The following PKDCC variants were observed in gnomAD, a reference collection of about 807,000 sequenced individuals.
PKDCC encodes protein kinase domain containing, cytoplasmic.
In PKDCC, 35 loss-of-function variants were observed where a neutral mutation model predicts 44.7. The observed-to-expected ratio is 0.78, with a 90% CI of 0.60 to 1.04. The LOEUF (loss-of-function observed/expected upper bound fraction) is 1.04. PKDCC is among the 50% of genes least tolerant of loss of function. The probability of loss-of-function intolerance (pLI) is 0.00; values close to 1 mark genes in which losing one functional copy is unlikely to be tolerated. For missense variants in PKDCC, 738 were observed against 672.7 expected (o/e 1.10, Z -1.07); for synonymous variants, 353 against 303.3 (o/e 1.16, Z -1.70).
intron 2 of PKDCC, 43 bp from the exon 3 acceptor site, chr2:42,053,993 C>A (rs758982013): frequency 1.5e-5 from 24 of 1,585,882 alleles, no homozygotes; most frequent in Non-Finnish European, 2.0e-5. Flanking sequence ...AGACCCCCAA[C>A]CCAGGAGAAA....
rs116834971 is a variant in PKDCC, at chr2:42,054,383, G to A, written c.1034+76G>A. 5,767 of 1,491,628 alleles carry A rather than the reference G, an allele frequency of 3.9e-3. 19 individuals carry two copies. Among genetic ancestry groups the A allele is most frequent in the Non-Finnish European group, 4.6e-3 (5,125 of 1,108,220 alleles). 92.4% of individuals were successfully genotyped at this position (1,491,628 alleles called of 1,614,324 possible). A position where few individuals can be genotyped will look rare whatever the true frequency, so the allele number is the denominator to read the frequency against. ...AGGGCATGGCAGGAAGAGAGCCAAC[G>A]TGGAGGCCAGCTGGGCAGGGAGACT... On this transcript the variant is annotated intron_variant, in intron 3 of 6. Transcript: ENST00000294964. This position sits in a 1 kb window ranked among gnomAD's most constrained non-coding sequence, Gnocchi z 6.1.
intron 2 of PKDCC, 97 bp from the exon 3 acceptor site, chr2:42,053,939 A>G: frequency 6.7e-7 from 1 of 1,483,602 alleles, no homozygotes; most frequent in Non-Finnish European, 9.1e-7. Context: ...CAACCCCCAC[A>G]AGCAAAGTTC....
rs114228441 is a variant in PKDCC at position 42,057,975 on chromosome 2, C to T, written c.*287C>T. On this transcript the variant is annotated 3_prime_UTR_variant, in exon 7 of 7. Coordinates refer to ENST00000294964, the MANE Select transcript of PKDCC (RefSeq NM_138370.3). ...TGTAAGCAAGCTCAGGCTAGTCTCC[C>T]CACTGGGGGCTGTGCCCCTCCCTGG... 1.4e-3 allele frequency: 625 copies of T among 455,334 alleles called. 5 individuals carry two copies. The highest frequency in any genetic ancestry group is 0.011 in the African/African-American group (567 of 50,998). 28.2% of individuals were successfully genotyped at this position (455,334 alleles called of 1,614,324 possible).
chr2:42,055,819 A>T lies in PKDCC; in HGVS notation c.1222+426A>T, dbSNP rs1464500422. Among the ~76,000 whole-genome samples the T allele has an allele frequency of 6.6e-6, 1 of 152,214 alleles. No individual in the cohort carries two copies. Among genetic ancestry groups the T allele is most frequent in the East Asian group, 1.9e-4 (1 of 5,198 alleles). On this transcript the variant is annotated intron_variant, in intron 5 of 6. Transcript: ENST00000294964. The surrounding 1 kb of genome is among the most constrained non-coding windows in gnomAD (Gnocchi z 4.5). ...GTGCAGTTCCTATGACACAGCTGGA[A>T]CGCAGTATATGTTTGCTTCCCTTTC... is the stretch of plus-strand genomic sequence containing the variant.
Position 42,055,826 on chromosome 2 carries a change from A to C in PKDCC, c.1222+433A>C, listed in dbSNP as rs1426703632. The stretch of plus-strand genomic sequence containing the variant: ...TCCTATGACACAGCTGGAACGCAGT[A>C]TATGTTTGCTTCCCTTTCCTTCCTC... On this transcript the variant is annotated intron_variant, in intron 5 of 6. Coordinates refer to ENST00000294964, the MANE Select transcript of PKDCC (RefSeq NM_138370.3). This position sits in a 1 kb window ranked among gnomAD's most constrained non-coding sequence, Gnocchi z 4.5. 6.6e-6 allele frequency among the ~76,000 whole-genome samples: 1 copy of C among 152,226 alleles called. No homozygotes were observed. Among genetic ancestry groups the C allele is most frequent in the African/African-American group, 2.4e-5 (1 of 41,450 alleles).
rs1558431348 is a variant in PKDCC at position 42,051,262 on chromosome 2, C to T, written c.640-1977C>T. 6.6e-6 allele frequency among the ~76,000 whole-genome samples: 1 copy of T among 151,392 alleles called. No homozygotes were observed. Among genetic ancestry groups the T allele is most frequent in the Non-Finnish European group, 1.5e-5 (1 of 67,810 alleles). On this transcript the variant is annotated intron_variant, in intron 1 of 6. Coordinates refer to ENST00000294964, the MANE Select transcript of PKDCC (RefSeq NM_138370.3). The surrounding 1 kb of genome is among the most constrained non-coding windows in gnomAD (Gnocchi z 4.2). ...GCCCCTGACACACGCATACACACTC[C>T]CTCACGTGACTTGACTCCTCTATAG... is the stretch of plus-strand genomic sequence containing the variant.
At position 42,048,288 on chromosome 2, in the gene PKDCC, C is replaced by T. The variant is rs768518999; in HGVS notation, c.89C>T (p.Ser30Leu). Reference sequence around the variant, plus strand: ...CTCAACGTGCTCTTCGCTCCGGGCTCGGAGCCTCCGAGGCCAGGCCAGTCC... The same window carrying T: ...CTCAACGTGCTCTTCGCTCCGGGCTTGGAGCCTCCGAGGCCAGGCCAGTCC... The part of the protein sequence containing the change: ...SVLNVLFAPG[S>L]EPPRPGQSPE... The change falls in exon 1 of 7, where the codon TCG becomes TTG. Residue 30 changes from serine (S) to leucine (L), a missense_variant. By Grantham distance (145) the Ser-to-Leu change is moderately radical. Coordinates refer to ENST00000294964, the MANE Select transcript of PKDCC (RefSeq NM_138370.3). This position sits in a 1 kb window ranked among gnomAD's most constrained non-coding sequence, Gnocchi z 6.2. The T allele has an allele frequency of 2.9e-5, 37 of 1,269,036 alleles. No homozygotes were observed. The highest frequency in any genetic ancestry group is 3.7e-5 in the Non-Finnish European group (37 of 1,002,868). 78.6% of individuals were successfully genotyped at this position (1,269,036 alleles called of 1,614,324 possible). A position where few individuals can be genotyped will look rare whatever the true frequency, so the allele number is the denominator to read the frequency against.
chr2:42,056,159 C>T (rs926729068), intron 5 of PKDCC, among the ~76,000 whole-genome samples: 1 of 152,150 alleles, frequency 6.6e-6, no homozygotes, highest in Admixed American at 6.5e-5. Flanking sequence ...ACAGTCAGCC[C>T]TGGACTTTGG....
rs751726900 is a variant in PKDCC at position 42,054,242 on chromosome 2, G to A, written c.969G>A (p.Leu323=). The A allele has an allele frequency of 6.2e-7, 1 of 1,604,182 alleles. No individual in the cohort carries two copies. The highest frequency in any genetic ancestry group is 8.5e-7 in the Non-Finnish European group (1 of 1,174,984). ...AGTTTCCGGCCAGGAACTTCACCCT[G>A]CCCTGCTCAGCCCAGGGCTGGTGCG... The part of the protein sequence containing the change: ...ILEFPARNFT[L]PCSAQGWCEG... Residue 323 remains leucine, a synonymous_variant, in exon 3 of 7, where the codon CTG becomes CTA. Coordinates refer to ENST00000294964, the MANE Select transcript of PKDCC (RefSeq NM_138370.3). This position sits in a 1 kb window ranked among gnomAD's most constrained non-coding sequence, Gnocchi z 6.1.
Position 42,055,550 on chromosome 2 carries a change from G to A in PKDCC, c.1222+157G>A, listed in dbSNP as rs918026619. The A allele has an allele frequency of 1.6e-6, 1 of 628,610 alleles. No homozygotes were observed. The highest frequency in any genetic ancestry group is 2.8e-6 in the Non-Finnish European group (1 of 359,050). 38.9% of individuals were successfully genotyped at this position (628,610 alleles called of 1,614,324 possible). On this transcript the variant is annotated intron_variant, in intron 5 of 6. Transcript: ENST00000294964. The surrounding 1 kb of genome is among the most constrained non-coding windows in gnomAD (Gnocchi z 4.5). ...CATAGAATCATGGAGGGGCTGACAT[G>A]GACTAATTTGAGGTTCCATCTCTAG...
At position 42,049,586 on chromosome 2, in the gene PKDCC, A is replaced by G. The variant is rs536075892; in HGVS notation, c.639+748A>G. Among the ~76,000 whole-genome samples, 7 of 152,262 alleles carry G rather than the reference A, an allele frequency of 4.6e-5. No individual in the cohort carries two copies. The South Asian group carries it at 6.2e-4, about 14-fold the overall frequency. Reference sequence around the variant, plus strand: ...TGTCACACTGTCTGAGTGTATATAGATAGCCAAGAGGCTGGAAGGTTGAGA... The same window carrying G: ...TGTCACACTGTCTGAGTGTATATAGGTAGCCAAGAGGCTGGAAGGTTGAGA... On this transcript the variant is annotated intron_variant, in intron 1 of 6. Coordinates refer to ENST00000294964, the MANE Select transcript of PKDCC (RefSeq NM_138370.3).
At position 42,053,470 on chromosome 2, in the gene PKDCC, A is replaced by T. The variant is rs1278305883; in HGVS notation, c.762+109A>T. 7 of 1,427,490 alleles carry T rather than the reference A, an allele frequency of 4.9e-6. No individual in the cohort carries two copies. The African/African-American group carries it at 1.0e-4, about 21-fold the overall frequency. The allele number at this position is 1,427,490 out of a possible 1,614,324, so 88.4% of individuals were successfully genotyped here. On this transcript the variant is annotated intron_variant, in intron 2 of 6. Coordinates refer to ENST00000294964, the MANE Select transcript of PKDCC (RefSeq NM_138370.3). ...ACTCCTCCTCCACCCAGGGAGAGGG[A>T]GGGGAGGAAGGCGCACAGGCTGACT...
Position 42,048,772 on chromosome 2 carries a change from G to A in PKDCC, c.573G>A (p.Leu191=), listed in dbSNP as rs1184316107. ...EFGVRRGCYR[L]AAHKLLKEMV... ...GGGTACGGAGGGGCTGCTATCGGCTGGCGGCCCACAAGCTGCTTAAGGAGA... is the reference window on the plus strand; with the variant it reads ...GGGTACGGAGGGGCTGCTATCGGCTAGCGGCCCACAAGCTGCTTAAGGAGA... Residue 191 remains leucine (L), a synonymous_variant, in exon 1 of 7, where the codon CTG becomes CTA. Transcript: ENST00000294964. This position sits in a 1 kb window ranked among gnomAD's most constrained non-coding sequence, Gnocchi z 6.2. The A allele has an allele frequency of 6.4e-7, 1 of 1,560,258 alleles. No homozygotes were observed. Among genetic ancestry groups the A allele is most frequent in the Non-Finnish European group, 8.7e-7 (1 of 1,153,812 alleles).
At chr2:42,050,251 A>G (rs1667943856) in intron 1 of PKDCC, among the ~76,000 whole-genome samples, 1 of 152,178 alleles carries the variant, frequency 6.6e-6, no homozygotes, top group South Asian at 2.1e-4. Context: ...TCAGGGAGTG[A>G]GCCCCTGGTT....
rs1667992993 is a variant in PKDCC at position 42,052,943 on chromosome 2, A to G, written c.640-296A>G. On this transcript the variant is annotated intron_variant, in intron 1 of 6. Coordinates refer to ENST00000294964, the MANE Select transcript of PKDCC (RefSeq NM_138370.3). The surrounding 1 kb of genome is among the most constrained non-coding windows in gnomAD (Gnocchi z 4.3). Reference sequence around the variant, plus strand: ...CCCATTAGGGTTATTACAATAATTGAGTTATGCACGTAGAGCAATTTAGCA... The same window carrying G: ...CCCATTAGGGTTATTACAATAATTGGGTTATGCACGTAGAGCAATTTAGCA... 6.6e-6 allele frequency among the ~76,000 whole-genome samples: 1 copy of G among 152,158 alleles called. No homozygotes were observed. The highest frequency in any genetic ancestry group is 2.1e-4 in the South Asian group (1 of 4,832).
rs755580371 is a variant in PKDCC, at chr2:42,055,294, G to T, written c.1123G>T (p.Ala375Ser). ...DSIVNATGELAWGVDETLAQL... is the reference protein window; with the variant it reads ...DSIVNATGELSWGVDETLAQL... ...CACACTGCACTCTGCAGGAGAGCTCGCCTGGGGGGTGGACGAGACCCTGGC... is the reference window on the plus strand; with the variant it reads ...CACACTGCACTCTGCAGGAGAGCTCTCCTGGGGGGTGGACGAGACCCTGGC... The change falls in exon 5 of 7, where the codon GCC (alanine) becomes TCC (serine). Residue 375 changes from alanine (A) to serine (S), a missense_variant. Physicochemically the swap from Ala to Ser is moderately conservative, Grantham distance 99. Coordinates refer to ENST00000294964, the MANE Select transcript of PKDCC (RefSeq NM_138370.3). This position sits in a 1 kb window ranked among gnomAD's most constrained non-coding sequence, Gnocchi z 4.5. 1.7e-5 allele frequency: 28 copies of T among 1,612,798 alleles called. No individual in the cohort carries two copies. The highest frequency in any genetic ancestry group is 2.1e-5 in the Non-Finnish European group (25 of 1,179,824).
chr2:42,048,685 G>C lies in PKDCC; in HGVS notation c.486G>C (p.Ala162=). The change falls in exon 1 of 7, where the codon GCG becomes GCC. Residue 162 remains alanine (A), a synonymous_variant. Coordinates refer to ENST00000294964, the MANE Select transcript of PKDCC (RefSeq NM_138370.3). This position sits in a 1 kb window ranked among gnomAD's most constrained non-coding sequence, Gnocchi z 6.2. ...GGGTCCGCCTGCCCGGCGGTGCCGC[G>C]GTGGCGCTCAAGGCGGTGGACTTTA... is the stretch of plus-strand genomic sequence containing the variant. The part of the protein sequence containing the change: ...VYRVRLPGGA[A]VALKAVDFSG... 6.5e-7 allele frequency: 1 copy of C among 1,549,096 alleles called. No homozygotes were observed. The highest frequency in any genetic ancestry group is 8.7e-7 in the Non-Finnish European group (1 of 1,147,342).
chr2:42,049,929 C>T (rs1418259566), intron 1 of PKDCC, among the ~76,000 whole-genome samples: 4 of 152,208 alleles, frequency 2.6e-5, no homozygotes, highest in Admixed American at 1.3e-4. Flanking sequence ...TACCAGCCCA[C>T]TCAAACTAAC....
chr2:42,056,833 C>T (rs1415464759), intron 5 of PKDCC, among the ~76,000 whole-genome samples: 1 of 152,082 alleles, frequency 6.6e-6, no homozygotes, highest in Non-Finnish European at 1.5e-5. Flanking sequence ...AATTCACATG[C>T]ACATTGAAGT....
Sources: allele counts gnomAD v4.1 joint callset (sites outside exome capture counted in the v4.1 genomes callset), GRCh38; gene constraint gnomAD v4.1.1; non-coding constraint Gnocchi (gnomAD v3.1); transcripts MANE v1.5; gene names NCBI Gene and HGNC (gene_info 2026-07-23, HGNC 2026-07-21).